Variants in PCSK2 observed in about 807,000 individuals in gnomAD.
PCSK2 encodes the protein proprotein convertase subtilisin/kexin type 2, also known as neuroendocrine convertase 2.
PCSK2 carries 14 observed loss-of-function variants against 69.7 expected under a neutral mutation model. The observed-to-expected ratio is 0.20, with a 90% CI of 0.13 to 0.31. PCSK2 has a LOEUF of 0.31. PCSK2 is among the 10% of genes least tolerant of loss of function. The pLI, the probability that PCSK2 is intolerant of heterozygous loss-of-function variation, is 1.00. For synonymous variants in PCSK2, 307 were observed against 320.7 expected (o/e 0.96, Z 0.46); for missense variants, 544 against 842.5 (o/e 0.65, Z 4.39).
At chr20:17,303,243 T>C (rs1265486804) in intron 2 of PCSK2, among the ~76,000 whole-genome samples, 2 of 141,376 alleles carry the variant, frequency 1.4e-5, no homozygotes, top group Non-Finnish European at 3.0e-5. Flanking sequence ...ATATTATAGA[T>C]AATTATATAT....
chr20:17,477,519 G>T (rs1368050767), intron 11 of PCSK2, among the ~76,000 whole-genome samples: 1 of 152,088 alleles, frequency 6.6e-6, no homozygotes, highest in African/African-American at 2.4e-5. Flanking sequence ...GGGCACAAAA[G>T]CCAGCAGCAT....
chr20:17,281,696 C>T (rs1225103604), intron 2 of PCSK2, among the ~76,000 whole-genome samples: 5 of 152,182 alleles, frequency 3.3e-5, no homozygotes, highest in Non-Finnish European at 7.3e-5. Flanking sequence ...TGCTGTGAAT[C>T]CCAGTGAATG....
chr20:17,365,229 G>T (rs1405011123), intron 4 of PCSK2, among the ~76,000 whole-genome samples: 2 of 152,084 alleles, frequency 1.3e-5, no homozygotes, highest in African/African-American at 4.8e-5. Context: ...GACAAACACT[G>T]CGTCCTCCCC....
intron 10 of PCSK2, among the ~76,000 whole-genome samples, chr20:17,462,717 T>C (rs6075212): frequency 0.32 from 48,343 of 152,190 alleles, 8,491 homozygotes; most frequent in South Asian, 0.57. Flanking sequence ...CATTGCGCAG[T>C]ACCTTCTCAT....
At chr20:17,439,900 A>T (rs2032561246) in intron 8 of PCSK2, among the ~76,000 whole-genome samples, 1 of 152,166 alleles carries the variant, frequency 6.6e-6, no homozygotes, top group African/African-American at 2.4e-5. Context: ...GGCACCTCCA[A>T]CCACAGCTGT....
At chr20:17,457,383 G>T (rs1414289963) in intron 10 of PCSK2, among the ~76,000 whole-genome samples, 2 of 152,180 alleles carry the variant, frequency 1.3e-5, no homozygotes, top group Non-Finnish European at 2.9e-5. Flanking sequence ...ATTTGCAAAG[G>T]AGGCAGGAGT....
chr20:17,403,769 C>T (rs578261232), intron 5 of PCSK2, among the ~76,000 whole-genome samples: 29 of 152,314 alleles, frequency 1.9e-4, no homozygotes, highest in African/African-American at 6.0e-4. Context: ...ACGTTGTACT[C>T]GTGATCATAA....
intron 4 of PCSK2, among the ~76,000 whole-genome samples, chr20:17,367,777 C>G (rs1277773241): frequency 6.6e-6 from 1 of 152,196 alleles, no homozygotes; most frequent in Non-Finnish European, 1.5e-5. Flanking sequence ...GGATTACAGG[C>G]GTGAGCCACC....
At chr20:17,398,111 G>C (rs1178872387) in intron 5 of PCSK2, among the ~76,000 whole-genome samples, 1 of 152,156 alleles carries the variant, frequency 6.6e-6, no homozygotes, top group Non-Finnish European at 1.5e-5. Flanking sequence ...TCTTCCTGTG[G>C]AAGAGTTTAG....
At chr20:17,464,268 G>A (rs568160926) in intron 10 of PCSK2, 76 of 152,226 alleles carry the variant, frequency 5.0e-4, no homozygotes, top group African/African-American at 1.4e-3. Flanking sequence ...CAACCTGTGC[G>A]ATAACCTGGC....
At chr20:17,304,935 T>G (rs769833761) in intron 2 of PCSK2, among the ~76,000 whole-genome samples, 5 of 152,220 alleles carry the variant, frequency 3.3e-5, no homozygotes, top group Non-Finnish European at 7.3e-5. Context: ...GACTGAATCA[T>G]CTGCTACGGT....
At position 17,441,057 on chromosome 20, in the gene PCSK2, C is replaced by G. The variant is rs929821970; in HGVS notation, c.885+4174C>G. 2.6e-5 allele frequency among the ~76,000 whole-genome samples: 4 copies of G among 152,208 alleles called. 1 individual carries two copies. In the East Asian group the frequency reaches 7.7e-4, roughly 29 times the overall value. On this transcript the variant is annotated intron_variant, in intron 8 of 11. Transcript: ENST00000262545. ...GCCACACTCACCCTGTTTGCTTCTC[C>G]CCGGTTTCGTGGCTCCGGCTCTCCA...
intron 2 of PCSK2, among the ~76,000 whole-genome samples, chr20:17,336,653 T>C (rs1990361061): frequency 6.6e-6 from 1 of 152,232 alleles, no homozygotes; most frequent in African/African-American, 2.4e-5. Context: ...CACTACACAC[T>C]GTGGTTTTAG....
At chr20:17,301,786 C>G (rs950770553) in intron 2 of PCSK2, among the ~76,000 whole-genome samples, 2 of 152,052 alleles carry the variant, frequency 1.3e-5, no homozygotes, top group Non-Finnish European at 2.9e-5. Flanking sequence ...CAAAAATTAA[C>G]CAGGCGTGGT....
chr20:17,394,309 G>A (rs2031457549), intron 5 of PCSK2, among the ~76,000 whole-genome samples: 1 of 152,168 alleles, frequency 6.6e-6, no homozygotes, highest in African/African-American at 2.4e-5. Context: ...CATTTGTTGA[G>A]AGTCTATTAT....
chr20:17,482,076 C>T lies in PCSK2; in HGVS notation c.*6C>T. ...GCATCCTTAACAAGAACTAGCGCTGCACATCCGCCTTTCCCACCGCCCTCC... is the reference window on the plus strand; with the variant it reads ...GCATCCTTAACAAGAACTAGCGCTGTACATCCGCCTTTCCCACCGCCCTCC... On this transcript the variant is annotated 3_prime_UTR_variant, in exon 12 of 12. Transcript: ENST00000262545. 2 of 1,549,890 alleles carry T rather than the reference C, an allele frequency of 1.3e-6. No individual in the cohort carries two copies. The highest frequency in any genetic ancestry group is 1.7e-6 in the Non-Finnish European group (2 of 1,149,592).
chr20:17,436,461 G>A (rs183841818), intron 7 of PCSK2, among the ~76,000 whole-genome samples: 3 of 152,228 alleles, frequency 2.0e-5, no homozygotes, highest in African/African-American at 7.2e-5. Flanking sequence ...ATGAATTCTA[G>A]TAAGTTTTGC....
At chr20:17,259,103 A>C (rs1987283032) in intron 1 of PCSK2, among the ~76,000 whole-genome samples, 1 of 152,098 alleles carries the variant, frequency 6.6e-6, no homozygotes, top group Non-Finnish European at 1.5e-5. Flanking sequence ...TATGTTAGAA[A>C]ACTTTTCTAT....
At chr20:17,429,155 A>T (rs767864652) in intron 6 of PCSK2, among the ~76,000 whole-genome samples, 4 of 151,708 alleles carry the variant, frequency 2.6e-5, no homozygotes, top group Non-Finnish European at 4.4e-5. Flanking sequence ...CTTCTCAGTG[A>T]TTCAGCTTAT....
Sources: gnomAD v4.1 joint callset for allele counts (sites outside exome capture counted in the v4.1 genomes callset) on GRCh38, gnomAD v4.1.1 for gene constraint, MANE v1.5 for transcripts, NCBI Gene and HGNC (gene_info 2026-07-23, HGNC 2026-07-21) for gene names.